Variants in HCRTR2 observed in about 807,000 individuals in gnomAD.
The protein encoded by HCRTR2 is hypocretin receptor 2.
Under a neutral mutation model 49.0 loss-of-function variants are expected in HCRTR2, and 22 were observed. The observed-to-expected ratio is 0.45, with a 90% CI of 0.32 to 0.64. HCRTR2 has a LOEUF of 0.64. HCRTR2 is among the 30% of genes least tolerant of loss of function. HCRTR2 has a pLI of 0.04. For synonymous variants in HCRTR2, 236 were observed against 205.3 expected (o/e 1.15, Z -1.28); for missense variants, 491 against 559.4 (o/e 0.88, Z 1.23).
chr6:55,136,323 C>A (rs373436180), intron 1 of HCRTR2, among the ~76,000 whole-genome samples: 3 of 152,184 alleles, frequency 2.0e-5, no homozygotes, highest in Non-Finnish European at 2.9e-5. Flanking sequence ...CTACTAGAGC[C>A]GCAGTATGAT....
chr6:55,128,775 T>G (rs1438654908), intron 1 of HCRTR2, among the ~76,000 whole-genome samples: 1 of 152,162 alleles, frequency 6.6e-6, no homozygotes, highest in Middle Eastern at 3.2e-3. Flanking sequence ...GTAGGAAGAA[T>G]AGGGAATAGT....
At chr6:55,218,963 G>A (rs1765840031) in intron 1 of HCRTR2, among the ~76,000 whole-genome samples, 1 of 152,142 alleles carries the variant, frequency 6.6e-6, no homozygotes. Flanking sequence ...AGCTGGGACT[G>A]CAGACATGCA....
chr6:55,237,194 T>G (rs1766230535), intron 1 of HCRTR2, among the ~76,000 whole-genome samples: 2 of 152,144 alleles, frequency 1.3e-5, no homozygotes, highest in Non-Finnish European at 2.9e-5. Context: ...TTCTTGACAT[T>G]ATTAATTCAA....
Position 55,234,598 on chromosome 6 carries a change from T to C in HCRTR2, c.224-14041T>C, listed in dbSNP as rs367717302. Among the ~76,000 whole-genome samples the C allele has an allele frequency of 2.8e-4, 43 of 152,204 alleles. 1 individual carries two copies. In the South Asian group the frequency reaches 4.1e-3, roughly 15 times the overall value. ...AGATAATGAAAGCCCTAGAGAGTAA[T>C]GTTCAACTCCATTTTCTAATTGGCA... On this transcript the variant is annotated intron_variant, in intron 1 of 6. Coordinates refer to ENST00000370862, the MANE Select transcript of HCRTR2 (RefSeq NM_001384272.1).
intron 6 of HCRTR2, among the ~76,000 whole-genome samples, chr6:55,280,827 G>C (rs184708746): frequency 6.6e-6 from 1 of 152,108 alleles, no homozygotes; most frequent in African/African-American, 2.4e-5. Context: ...ACAGAATTGG[G>C]ATCTATTCAC....
intron 3 of HCRTR2, among the ~76,000 whole-genome samples, chr6:55,262,456 TTTATA>T (rs1275794697): frequency 1.5e-5 from 2 of 131,688 alleles, no homozygotes; most frequent in East Asian, 2.0e-4. Context: ...ATATATATTA[TTTATA>T]TTATATCTAA....
chr6:55,279,508 C>T (rs1767145897), intron 5 of HCRTR2, among the ~76,000 whole-genome samples: 1 of 137,336 alleles, frequency 7.3e-6, no homozygotes, highest in African/African-American at 2.8e-5. Flanking sequence ...TGTTGTCATG[C>T]CTTCTTGCTG....
At chr6:55,176,124 A>G (rs1043802547) in intron 1 of HCRTR2, among the ~76,000 whole-genome samples, 2 of 152,192 alleles carry the variant, frequency 1.3e-5, no homozygotes, top group African/African-American at 4.8e-5. Context: ...TGGTCTGGGT[A>G]GAAATCATCC....
intron 1 of HCRTR2, among the ~76,000 whole-genome samples, chr6:55,204,574 A>G (rs61515728): frequency 0.033 from 5,001 of 152,208 alleles, 245 homozygotes; most frequent in African/African-American, 0.11. Flanking sequence ...AGGTGGTAGC[A>G]AAGGAGATTG....
At chr6:55,223,814 C>T (rs1765945390) in intron 1 of HCRTR2, among the ~76,000 whole-genome samples, 1 of 151,996 alleles carries the variant, frequency 6.6e-6, no homozygotes, top group African/African-American at 2.4e-5. Flanking sequence ...ACTTCTTTTA[C>T]CTAATCAGCC....
chr6:55,169,418 C>T (rs541537976), intron 1 of HCRTR2, among the ~76,000 whole-genome samples: 1 of 151,418 alleles, frequency 6.6e-6, no homozygotes, highest in South Asian at 2.1e-4. Flanking sequence ...TGACAAGTAG[C>T]TTTGATTGTT....
chr6:55,192,993 T>C (rs1765346684), intron 1 of HCRTR2, among the ~76,000 whole-genome samples: 1 of 152,192 alleles, frequency 6.6e-6, no homozygotes, highest in South Asian at 2.1e-4. Context: ...TATGTCAACA[T>C]CTTTCAGTCT....
chr6:55,243,587 C>T (rs149749338), intron 1 of HCRTR2, among the ~76,000 whole-genome samples: 2 of 152,188 alleles, frequency 1.3e-5, no homozygotes, highest in East Asian at 3.9e-4. Context: ...ATTTGCTCAT[C>T]GGAAAATATA....
In HCRTR2 at chr6:55,191,033, C is replaced by T. The variant is rs184650681; in HGVS notation, c.223+16223C>T. Among the ~76,000 whole-genome samples the T allele has an allele frequency of 3.7e-3, 558 of 152,198 alleles. 6 individuals are homozygous for T. Among genetic ancestry groups the T allele is most frequent in the African/African-American group, 0.013 (528 of 41,522 alleles). ...ATCAGAGGGGAGTAGATTAAAACAC[C>T]TCCCTTGAAATGGAATTTGGCAAGA... On this transcript the variant is annotated intron_variant, in intron 1 of 6. Coordinates refer to ENST00000370862, the MANE Select transcript of HCRTR2 (RefSeq NM_001384272.1).
intron 1 of HCRTR2, among the ~76,000 whole-genome samples, chr6:55,119,235 C>A (rs1764161729): frequency 6.6e-6 from 1 of 151,938 alleles, no homozygotes; most frequent in African/African-American, 2.4e-5. Context: ...GTGAATAGTG[C>A]CACAATAAAC....
intron 1 of HCRTR2, among the ~76,000 whole-genome samples, chr6:55,202,766 C>CT (rs5876431): frequency 6.6e-6 from 1 of 151,876 alleles, no homozygotes; most frequent in Non-Finnish European, 1.5e-5. Flanking sequence ...CAAATGAAGC[C>CT]GGGGGAGGTT....
At position 55,248,835 on chromosome 6, in the gene HCRTR2, T is replaced by G; in HGVS notation, c.402+18T>G. On this transcript the variant is annotated intron_variant, in intron 2 of 6. Coordinates refer to ENST00000370862, the MANE Select transcript of HCRTR2 (RefSeq NM_001384272.1). ...ATCTACAGGTAATTGTTTTTAATGC[T>G]TTTTTGAAGCTACTAAAAAGAATGT... 5 of 1,604,844 alleles carry G rather than the reference T, an allele frequency of 3.1e-6. No homozygotes were observed. The highest frequency in any genetic ancestry group is 1.3e-5 in the African/African-American group (1 of 74,822).
At chr6:55,181,010 C>A (rs1435425514) in intron 1 of HCRTR2, among the ~76,000 whole-genome samples, 1 of 148,664 alleles carries the variant, frequency 6.7e-6, no homozygotes, top group African/African-American at 2.5e-5. Context: ...GTTTCACCAT[C>A]TTGGCTAGGC....
At chr6:55,110,379 T>C (rs1764032464) in intron 1 of HCRTR2, among the ~76,000 whole-genome samples, 1 of 152,030 alleles carries the variant, frequency 6.6e-6, no homozygotes, top group Non-Finnish European at 1.5e-5. Context: ...CACCTCTCAA[T>C]ACTAACACTG....
Sources: gnomAD v4.1 joint callset for allele counts (sites outside exome capture counted in the v4.1 genomes callset) on GRCh38, gnomAD v4.1.1 for gene constraint, MANE v1.5 for transcripts, NCBI Gene and HGNC (gene_info 2026-07-23, HGNC 2026-07-21) for gene names.